The following FERMT3 variants were observed in gnomAD, a reference collection of about 807,000 sequenced individuals.
FERMT3 encodes fermitin family homolog 3.
FERMT3 carries 33 observed loss-of-function variants against 80.8 expected under a neutral mutation model. The observed-to-expected ratio is 0.41, with a 90% CI of 0.31 to 0.55. The LOEUF is 0.55. Among genes scored for constraint, FERMT3 ranks in the 20% least tolerant of loss-of-function variants. FERMT3 has a pLI of 0.31. For synonymous variants in FERMT3, 375 were observed against 372.2 expected (o/e 1.01, Z -0.09); for missense variants, 754 against 908.7 (o/e 0.83, Z 2.19).
chr11:64,217,721 T>C (rs1261169724), intron 6 of FERMT3, among the ~76,000 whole-genome samples: 1 of 152,174 alleles, frequency 6.6e-6, no homozygotes, highest in Non-Finnish European at 1.5e-5. Flanking sequence ...GGGAGGGACC[T>C]GCTTTTTTTC....
At chr11:64,220,355 C>T in intron 11 of FERMT3, 29 bp downstream of exon 11, 1 of 1,610,216 alleles carries the variant, frequency 6.2e-7, no homozygotes, top group East Asian at 2.2e-5. Context: ...GGGGCCAGGG[C>T]CGGGCAGGAG....
At position 64,211,451 on chromosome 11, in the gene FERMT3, C is replaced by A; in HGVS notation, c.683+8C>A. On this transcript the variant is annotated splice_region_variant and intron_variant, in intron 5 of 14. Coordinates refer to ENST00000345728, the MANE Select transcript of FERMT3 (RefSeq NM_031471.6). This position sits in a 1 kb window ranked among gnomAD's most constrained non-coding sequence, Gnocchi z 4.7. ...GACCCAGCTCCACAGCAGGTGCACC[C>A]AGGAGCCACGCCCCCTGTGTCAGGG... 1.3e-6 allele frequency: 2 copies of A among 1,578,812 alleles called. No homozygotes were observed. Among genetic ancestry groups the A allele is most frequent in the East Asian group, 2.3e-5 (1 of 43,160 alleles).
In FERMT3 at chr11:64,210,551, C is replaced by T; in HGVS notation, c.161-60C>T. 1 of 1,534,022 alleles carries T rather than the reference C, an allele frequency of 6.5e-7. No individual in the cohort carries two copies. Among genetic ancestry groups the T allele is most frequent in the Non-Finnish European group, 9.0e-7 (1 of 1,109,328 alleles). ...CAGGCTTCTGAATCCTGGGGTTGTG[C>T]TGGGTGTTGGGGGCACCAGGGAGGA... On this transcript the variant is annotated intron_variant, in intron 2 of 14. Coordinates refer to ENST00000345728, the MANE Select transcript of FERMT3 (RefSeq NM_031471.6). This position sits in a 1 kb window ranked among gnomAD's most constrained non-coding sequence, Gnocchi z 4.3.
chr11:64,215,901 G>A (rs1035852735), intron 6 of FERMT3, among the ~76,000 whole-genome samples: 2 of 151,152 alleles, frequency 1.3e-5, no homozygotes, highest in African/African-American at 4.9e-5. Context: ...GTACGATCTC[G>A]GCTTACTGCA....
chr11:64,208,950 G>A (rs919777140), intron 2 of FERMT3, among the ~76,000 whole-genome samples: 9 of 152,202 alleles, frequency 5.9e-5, no homozygotes, highest in African/African-American at 1.9e-4. Flanking sequence ...GCGAAAGGCT[G>A]GTGGCGGCAG....
At chr11:64,216,890 G>GCGCC (rs1159460418) in intron 6 of FERMT3, among the ~76,000 whole-genome samples, 1 of 151,088 alleles carries the variant, frequency 6.6e-6, no homozygotes, top group Non-Finnish European at 1.5e-5. Context: ...GTTCTCTTCT[G>GCGCC]CGCCCTACCT....
chr11:64,219,834 C>G lies in FERMT3; in HGVS notation c.1079+45C>G. On this transcript the variant is annotated intron_variant, in intron 9 of 14. Coordinates refer to ENST00000345728, the MANE Select transcript of FERMT3 (RefSeq NM_031471.6). This position sits in a 1 kb window ranked among gnomAD's most constrained non-coding sequence, Gnocchi z 4.0. ...AGGCAGCCCTGCTGGAGGGGTTGGT[C>G]TGCATATGGAGGGAGGGGGTGAGGC... 6.2e-7 allele frequency: 1 copy of G among 1,613,930 alleles called. No homozygotes were observed. Among genetic ancestry groups the G allele is most frequent in the East Asian group, 2.2e-5 (1 of 44,880 alleles).
At chr11:64,220,047 G>A (rs1946643256) in intron 10 of FERMT3, 32 bp downstream of exon 10, 1 of 1,611,594 alleles carries the variant, frequency 6.2e-7, no homozygotes, top group Non-Finnish European at 8.5e-7. Context: ...CTGGGTGGGG[G>A]GATCCCCACT....
At chr11:64,214,326 C>A (rs1946506951) in intron 6 of FERMT3, among the ~76,000 whole-genome samples, 1 of 151,854 alleles carries the variant, frequency 6.6e-6, no homozygotes, top group Non-Finnish European at 1.5e-5. Context: ...CGCCACCATG[C>A]CCAGCTAACT....
chr11:64,212,659 C>T (rs972461857), intron 6 of FERMT3, among the ~76,000 whole-genome samples: 1 of 151,934 alleles, frequency 6.6e-6, no homozygotes, highest in Non-Finnish European at 1.5e-5. Flanking sequence ...TGGGGGGTGG[C>T]CTCTCCCCAA....
Position 64,223,469 on chromosome 11 carries a change from A to T in FERMT3, c.1969A>T (p.Thr657Ser). 1 of 1,611,098 alleles carries T rather than the reference A, an allele frequency of 6.2e-7. No individual in the cohort carries two copies. Among genetic ancestry groups the T allele is most frequent in the Non-Finnish European group, 8.5e-7 (1 of 1,179,936 alleles). Reference sequence around the variant, plus strand: ...GGATGAAGACCTCTTCCTGCAGCTCACCGGGGGCCATGAGGCCTTCTGAGG... The same window carrying T: ...GGATGAAGACCTCTTCCTGCAGCTCTCCGGGGGCCATGAGGCCTTCTGAGG... ...ELDEDLFLQLTGGHEAF is the reference protein window; with the variant it reads ...ELDEDLFLQLSGGHEAF The change falls in exon 15 of 15, where the codon ACC becomes TCC. Residue 657 changes from threonine (T) to serine (S), a missense_variant. Coordinates refer to ENST00000345728, the MANE Select transcript of FERMT3 (RefSeq NM_031471.6).
In FERMT3 at chr11:64,211,486, C is replaced by A; in HGVS notation, c.683+43C>A. On this transcript the variant is annotated intron_variant, in intron 5 of 14. Transcript: ENST00000345728. This position sits in a 1 kb window ranked among gnomAD's most constrained non-coding sequence, Gnocchi z 4.7. ...GCCCCCTGTGTCAGGGCTCCCCCACCCAGGATCCACCCCCTGTCCCGTGTC... is the reference window on the plus strand; with the variant it reads ...GCCCCCTGTGTCAGGGCTCCCCCACACAGGATCCACCCCCTGTCCCGTGTC... 10 of 1,542,818 alleles carry A rather than the reference C, an allele frequency of 6.5e-6. No individual in the cohort carries two copies. Among genetic ancestry groups the A allele is most frequent in the Non-Finnish European group, 8.7e-6 (10 of 1,147,262 alleles).
At chr11:64,208,218 A>T (rs1163318741) in intron 2 of FERMT3, among the ~76,000 whole-genome samples, 3 of 152,148 alleles carry the variant, frequency 2.0e-5, no homozygotes, top group Non-Finnish European at 2.9e-5. Context: ...GCACAGGAGG[A>T]GGTCAGTCCG....
rs1946782055 is a variant in FERMT3 at position 64,223,745 on chromosome 11, G to A, written c.*253G>A. ...TTTCCTTGTCTGAGTGGCTGAGGCT[G>A]ATACCCCTGACCTATCTGCAGTCCC... On this transcript the variant is annotated 3_prime_UTR_variant, in exon 15 of 15. Coordinates refer to ENST00000345728, the MANE Select transcript of FERMT3 (RefSeq NM_031471.6). 3.8e-6 allele frequency: 3 copies of A among 780,088 alleles called. No homozygotes were observed. Among genetic ancestry groups the A allele is most frequent in the South Asian group, 1.8e-5 (1 of 55,618 alleles). 48.3% of individuals were successfully genotyped at this position (780,088 alleles called of 1,614,324 possible).
At chr11:64,217,549 TA>T (rs1015213268) in intron 6 of FERMT3, among the ~76,000 whole-genome samples, 218 of 146,884 alleles carry the variant, frequency 1.5e-3, no homozygotes, top group African/African-American at 4.6e-3. Context: ...AACTCCATCT[TA>T]AAAAAAAAAA....
rs1946779965 is a variant in FERMT3, at chr11:64,223,689, G to A, written c.*197G>A. The stretch of plus-strand genomic sequence containing the variant: ...ACCATCACCCAGGCCAGGGATGGGG[G>A]TGGGGGTCCCTGAGCTCATGTGGTG... On this transcript the variant is annotated 3_prime_UTR_variant, in exon 15 of 15. Coordinates refer to ENST00000345728, the MANE Select transcript of FERMT3 (RefSeq NM_031471.6). The A allele has an allele frequency of 1.3e-6, 1 of 797,826 alleles. No homozygotes were observed. The highest frequency in any genetic ancestry group is 2.7e-5 in the East Asian group (1 of 37,430). The allele number at this position is 797,826 out of a possible 1,614,324, so 49.4% of individuals were successfully genotyped here.
Position 64,219,800 on chromosome 11 carries a change from G to C in FERMT3, c.1079+11G>C, listed in dbSNP as rs774186296. The C allele has an allele frequency of 6.2e-7, 1 of 1,614,082 alleles. No homozygotes were observed. On this transcript the variant is annotated intron_variant, in intron 9 of 14. Coordinates refer to ENST00000345728, the MANE Select transcript of FERMT3 (RefSeq NM_031471.6). This position sits in a 1 kb window ranked among gnomAD's most constrained non-coding sequence, Gnocchi z 4.0. ...TCTCCGAATCTTTCGGTGAGTTGGG[G>C]GCCAGAGTAGGCAGCCCTGCTGGAG...
chr11:64,210,604 C>G lies in FERMT3; in HGVS notation c.161-7C>G. On this transcript the variant is annotated splice_region_variant and splice_polypyrimidine_tract_variant and intron_variant, in intron 2 of 14. Transcript: ENST00000345728. The surrounding 1 kb of genome is among the most constrained non-coding windows in gnomAD (Gnocchi z 4.3). ...GTTGGACCCAGATGTGCCCCCGTGC[C>G]CCACAGATCGCAAGCAGGACTGGTC... is the stretch of plus-strand genomic sequence containing the variant. 1 of 1,613,294 alleles carries G rather than the reference C, an allele frequency of 6.2e-7. No individual in the cohort carries two copies. Among genetic ancestry groups the G allele is most frequent in the South Asian group, 1.1e-5 (1 of 91,064 alleles).
At chr11:64,220,133 G>C in intron 10 of FERMT3, 87 bp from the exon 11 acceptor site, 1 of 1,575,142 alleles carries the variant, frequency 6.3e-7, no homozygotes, top group Non-Finnish European at 8.7e-7. Context: ...TCTGTCCTGA[G>C]GTGACGGTGT....
Sources: gnomAD v4.1 joint callset for allele counts (sites outside exome capture counted in the v4.1 genomes callset) on GRCh38, gnomAD v4.1.1 for gene constraint, Gnocchi (gnomAD v3.1) non-coding constraint, MANE v1.5 for transcripts, NCBI Gene and HGNC (gene_info 2026-07-23, HGNC 2026-07-21) for gene names.